Variants in ASIC2 observed in about 807,000 individuals in gnomAD.
ASIC2 encodes the protein acid-sensing ion channel 2.
A neutral mutation model predicts 57.3 loss-of-function variants in ASIC2; 25 were observed. That is an observed-to-expected ratio of 0.44 (90% CI 0.32 to 0.61). The LOEUF is 0.61. Among genes scored for constraint, ASIC2 ranks in the 20% least tolerant of loss-of-function variants. The pLI is 0.06. For missense variants in ASIC2, 641 were observed against 738.1 expected (o/e 0.87, Z 1.52); for synonymous variants, 319 against 307.5 (o/e 1.04, Z -0.39).
Position 33,990,180 on chromosome 17 carries a change from G to C in ASIC2, c.555+165798C>G, listed in dbSNP as rs117564826. 4.4e-3 allele frequency among the ~76,000 whole-genome samples: 674 copies of C among 152,260 alleles called. 4 individuals are homozygous for C. Among genetic ancestry groups the C allele is most frequent in the Non-Finnish European group, 7.0e-3 (478 of 68,020 alleles). On this transcript the variant is annotated intron_variant, in intron 1 of 9. Coordinates refer to the ASIC2 transcript ENST00000359872. ...AAGCAGCAGTATATAAGTCCAAAGA[G>C]CCAGACAGGCCTGGTCACAGCTCTG...
intron 1 of ASIC2, among the ~76,000 whole-genome samples, chr17:33,699,672 T>A (rs1908637646): frequency 6.6e-6 from 1 of 152,196 alleles, no homozygotes; most frequent in African/African-American, 2.4e-5. Context: ...GAAACCATGG[T>A]CTACACCACA....
chr17:33,422,283 T>C (rs1346866785), intron 1 of ASIC2, among the ~76,000 whole-genome samples: 3 of 152,186 alleles, frequency 2.0e-5, no homozygotes, highest in East Asian at 1.9e-4. Context: ...AGCTGAATGG[T>C]GACTGGCTCC....
At chr17:33,168,600 C>T (rs552796491) in intron 1 of ASIC2, among the ~76,000 whole-genome samples, 2 of 152,290 alleles carry the variant, frequency 1.3e-5, no homozygotes, top group East Asian at 3.9e-4. Context: ...TTGCAAAGAA[C>T]TTGGTGGAAT....
At chr17:33,941,264 G>T (rs1437003405) in intron 1 of ASIC2, among the ~76,000 whole-genome samples, 1 of 152,198 alleles carries the variant, frequency 6.6e-6, no homozygotes, top group African/African-American at 2.4e-5. Flanking sequence ...ACAGACAGGA[G>T]AGTCTTTCAG....
intron 1 of ASIC2, among the ~76,000 whole-genome samples, chr17:33,553,511 A>ATTG (rs1915813576): frequency 6.6e-6 from 1 of 151,654 alleles, no homozygotes; most frequent in Non-Finnish European, 1.5e-5. Flanking sequence ...TATTATTATT[A>ATTG]TTATTTTGAG....
rs1253170021 is a variant in ASIC2, at chr17:34,156,506, C to G, written c.27G>C (p.Glu9Asp). The change falls in exon 1 of 10, where the codon GAG becomes GAC. Residue 9 changes from glutamate (E) to aspartate (D), a missense_variant. Physicochemically the swap from Glu to Asp is conservative, Grantham distance 45 (BLOSUM62 2). Coordinates refer to the ASIC2 transcript ENST00000359872. The surrounding 1 kb of genome is among the most constrained non-coding windows in gnomAD (Gnocchi z 4.4). ...GGATGCTAGAAGGTTGCAGGCTGCC[C>G]TCACTGGGGCTTTCCTTGAGGTCCA... 1 of 1,601,012 alleles carries G rather than the reference C, an allele frequency of 6.2e-7. No homozygotes were observed. Among genetic ancestry groups the G allele is most frequent in the Admixed American group, 1.7e-5 (1 of 59,616 alleles).
At chr17:33,892,701 A>T (rs1291991855) in intron 1 of ASIC2, among the ~76,000 whole-genome samples, 1 of 152,254 alleles carries the variant, frequency 6.6e-6, no homozygotes, top group African/African-American at 2.4e-5. Context: ...CCTGGCACAC[A>T]GAAATCACAT....
chr17:33,383,659 C>T (rs905470463), intron 1 of ASIC2, among the ~76,000 whole-genome samples: 1 of 152,226 alleles, frequency 6.6e-6, no homozygotes, highest in Non-Finnish European at 1.5e-5. Flanking sequence ...CAGGGCCCCA[C>T]CCTGGGCCTC....
intron 1 of ASIC2, among the ~76,000 whole-genome samples, chr17:33,776,636 G>T (rs1911289004): frequency 6.6e-6 from 1 of 152,170 alleles, no homozygotes; most frequent in Non-Finnish European, 1.5e-5. Context: ...GAGGCCAAAG[G>T]AGGGAAGCAG....
chr17:33,132,080 T>A (rs1247625469), intron 1 of ASIC2, among the ~76,000 whole-genome samples: 1 of 152,214 alleles, frequency 6.6e-6, no homozygotes, highest in African/African-American at 2.4e-5. Flanking sequence ...CAATGCTACC[T>A]GCACTGGGTC....
intron 1 of ASIC2, among the ~76,000 whole-genome samples, chr17:33,550,853 T>C (rs1306790939): frequency 6.6e-6 from 1 of 152,092 alleles, no homozygotes; most frequent in Non-Finnish European, 1.5e-5. Context: ...GGGAAAGTGA[T>C]AGTAGTGATG....
chr17:33,659,563 C>G (rs1428897302), intron 1 of ASIC2, among the ~76,000 whole-genome samples: 1 of 152,090 alleles, frequency 6.6e-6, no homozygotes, highest in African/African-American at 2.4e-5. Context: ...AAAGATATAG[C>G]ATAAATGATT....
intron 3 of ASIC2, among the ~76,000 whole-genome samples, chr17:33,036,511 A>G (rs1268623643): frequency 6.6e-6 from 1 of 152,108 alleles, no homozygotes; most frequent in Non-Finnish European, 1.5e-5. Flanking sequence ...GCTCACTGCA[A>G]CCTTGAACTC....
intron 1 of ASIC2, among the ~76,000 whole-genome samples, chr17:34,027,442 A>G (rs557521595): frequency 6.6e-6 from 1 of 151,734 alleles, no homozygotes; most frequent in South Asian, 2.1e-4. Context: ...CCCCCCTATA[A>G]CCATTTAGTT....
At position 33,117,029 on chromosome 17, in the gene ASIC2, T is replaced by C. The variant is rs140155098; in HGVS notation, c.709-4962A>G. Among the ~76,000 whole-genome samples, 510 of 152,026 alleles carry C rather than the reference T, an allele frequency of 3.4e-3. 1 individual carries two copies. The highest frequency in any genetic ancestry group is 0.017 in the Middle Eastern group (5 of 294). On this transcript the variant is annotated intron_variant, in intron 1 of 9. Transcript: ENST00000225823. ...CATGTCTGGCTAATTTTAAACATTT[T>C]CTTTGTGGAGATGAGGGTTTCACTA... is the stretch of plus-strand genomic sequence containing the variant.
intron 1 of ASIC2, among the ~76,000 whole-genome samples, chr17:33,683,547 T>A (rs113802889): frequency 0.021 from 3,268 of 152,180 alleles, 103 homozygotes; most frequent in African/African-American, 0.064. Context: ...AGTTTTTTTT[T>A]AAAAATCTTG....
At chr17:33,865,784 C>CGTTT (rs67369117) in intron 1 of ASIC2, among the ~76,000 whole-genome samples, 39,906 of 138,330 alleles carry the variant, frequency 0.29, 5,777 homozygotes, top group African/African-American at 0.32. Context: ...AAAAAAAAAA[C>CGTTT]GTTTTTTTAT....
At chr17:33,539,595 T>C (rs982011942) in intron 1 of ASIC2, among the ~76,000 whole-genome samples, 9 of 152,234 alleles carry the variant, frequency 5.9e-5, no homozygotes, top group Admixed American at 2.6e-4. Flanking sequence ...TCACCACATA[T>C]ACAGTACAGA....
chr17:34,156,621 C>A lies in ASIC2; in HGVS notation c.-89G>T, dbSNP rs1288855946. 5 of 1,370,938 alleles carry A rather than the reference C, an allele frequency of 3.6e-6. No individual in the cohort carries two copies. The highest frequency in any genetic ancestry group is 2.9e-5 in the South Asian group (2 of 68,128). 84.9% of individuals were successfully genotyped at this position (1,370,938 alleles called of 1,614,324 possible). A position where few individuals can be genotyped will look rare whatever the true frequency, so the allele number is the denominator to read the frequency against. On this transcript the variant is annotated 5_prime_UTR_variant, in exon 1 of 10. Coordinates refer to the ASIC2 transcript ENST00000359872. This position sits in a 1 kb window ranked among gnomAD's most constrained non-coding sequence, Gnocchi z 4.4. ...TCCTCGGGCTCTGCTTAAACCTTGA[C>A]GTTCAGGGGAGAGAACGCAAGGCAA...
Sources: gnomAD v4.1 joint callset for allele counts (sites outside exome capture counted in the v4.1 genomes callset) on GRCh38, gnomAD v4.1.1 for gene constraint, Gnocchi (gnomAD v3.1) non-coding constraint, MANE v1.5 for transcripts, NCBI Gene and HGNC (gene_info 2026-07-23, HGNC 2026-07-21) for gene names.